Variants in NME7 observed in about 807,000 individuals in gnomAD.
NME7 encodes nucleoside diphosphate kinase 7.
NME7 carries 41 observed loss-of-function variants against 49.1 expected under a neutral mutation model. The observed-to-expected ratio is 0.83, with a 90% CI of 0.65 to 1.08. The LOEUF (loss-of-function observed/expected upper bound fraction) is 1.08, where lower values mean the gene tolerates loss of function less well. NME7 is among the 50% of genes least tolerant of loss of function. The pLI, the probability that NME7 is intolerant of heterozygous loss-of-function variation, is 0.00. For missense variants in NME7, 423 were observed against 463.4 expected, an observed-to-expected ratio of 0.91 and a Z score of 0.80; for synonymous variants, 139 against 150.6, an observed-to-expected ratio of 0.92 and a Z score of 0.56.
chr1:169,260,660 T>G (rs1223134117), intron 7 of NME7, among the ~76,000 whole-genome samples: 1 of 132,574 alleles, frequency 7.5e-6, no homozygotes, highest in African/African-American at 2.5e-5. Flanking sequence ...ATTGTGCAAT[T>G]ACGCAGATGT....
At chr1:169,205,611 G>A (rs1422328728) in intron 10 of NME7, among the ~76,000 whole-genome samples, 3 of 152,098 alleles carry the variant, frequency 2.0e-5, no homozygotes, top group Non-Finnish European at 2.9e-5. Context: ...ATCTCAGGCG[G>A]CCTGGCTCTA....
chr1:169,133,191 C>G (rs1272552835), intron 11 of NME7, among the ~76,000 whole-genome samples: 1 of 152,084 alleles, frequency 6.6e-6, no homozygotes, highest in Admixed American at 6.5e-5. Context: ...AGGGATTGGC[C>G]TAAGTCCTTA....
At chr1:169,143,708 C>T (rs1302160678) in intron 11 of NME7, among the ~76,000 whole-genome samples, 1 of 152,158 alleles carries the variant, frequency 6.6e-6, no homozygotes, top group African/African-American at 2.4e-5. Flanking sequence ...AATGAATTTA[C>T]GGTTTAGTTT....
intron 1 of NME7, among the ~76,000 whole-genome samples, chr1:169,326,417 G>C (rs1442007512): frequency 1.3e-5 from 2 of 152,288 alleles, no homozygotes; most frequent in Admixed American, 1.3e-4. Context: ...GATCCAGAAA[G>C]ACAGGAAGCC....
intron 3 of NME7, among the ~76,000 whole-genome samples, chr1:169,317,955 G>A (rs971109007): frequency 6.6e-6 from 1 of 152,154 alleles, no homozygotes; most frequent in Non-Finnish European, 1.5e-5. Flanking sequence ...AGACCCTCAA[G>A]TAGGGGATAG....
intron 10 of NME7, among the ~76,000 whole-genome samples, chr1:169,212,674 C>A (rs12121395): frequency 1.3e-5 from 2 of 150,144 alleles, no homozygotes; most frequent in African/African-American, 2.5e-5. Context: ...CTGTCATGGC[C>A]CACTGCAGCC....
At chr1:169,170,704 C>G (rs1187890257) in intron 10 of NME7, among the ~76,000 whole-genome samples, 1 of 152,122 alleles carries the variant, frequency 6.6e-6, no homozygotes, top group Non-Finnish European at 1.5e-5. Context: ...CATTTGTGGT[C>G]AGGAGTTCGA....
intron 7 of NME7, among the ~76,000 whole-genome samples, chr1:169,258,403 T>TAC (rs1381228474): frequency 1.3e-4 from 9 of 68,666 alleles, no homozygotes; most frequent in African/African-American, 2.2e-4. Flanking sequence ...TATATATATA[T>TAC]ATACACACAC....
In NME7 at chr1:169,205,602, T is replaced by G. The variant is rs1415325953; in HGVS notation, c.990+25116A>C. On this transcript the variant is annotated intron_variant, in intron 10 of 11. Coordinates refer to ENST00000367811, the MANE Select transcript of NME7 (RefSeq NM_013330.5). ...CAGATTATATTTTACAGATGAAGAATCTCAGGCGGCCTGGCTCTAGAGCCC... is the reference window on the plus strand; with the variant it reads ...CAGATTATATTTTACAGATGAAGAAGCTCAGGCGGCCTGGCTCTAGAGCCC... Among the ~76,000 whole-genome samples the G allele has an allele frequency of 2.0e-5, 3 of 152,148 alleles. No homozygotes were observed. In the East Asian group the frequency reaches 5.8e-4, roughly 29 times the overall value.
intron 1 of NME7, among the ~76,000 whole-genome samples, chr1:169,359,471 T>C (rs972005752): frequency 2.0e-5 from 3 of 151,904 alleles, no homozygotes; most frequent in Non-Finnish European, 4.4e-5. Context: ...TATCTCTGTG[T>C]GTGTGTGTAT....
intron 10 of NME7, among the ~76,000 whole-genome samples, chr1:169,215,236 A>G (rs1196299371): frequency 1.3e-5 from 2 of 151,966 alleles, no homozygotes; most frequent in Non-Finnish European, 2.9e-5. Context: ...TCTGAAGTCA[A>G]CTCACCTCTT....
intron 7 of NME7, among the ~76,000 whole-genome samples, chr1:169,240,898 T>A (rs1477728455): frequency 6.6e-6 from 1 of 152,108 alleles, no homozygotes; most frequent in Admixed American, 6.6e-5. Flanking sequence ...ATTTTATCTT[T>A]GGCAAAGGCT....
Position 169,132,835 on chromosome 1 carries a change from A to AT in NME7, c.1099-19dup. 6.2e-7 allele frequency: 1 copy of AT among 1,612,372 alleles called. No homozygotes were observed. Among genetic ancestry groups the AT allele is most frequent in the South Asian group, 1.1e-5 (1 of 90,742 alleles). ...TATTGAACCTGAAACGGAGAAACAC[A>AT]TAATTTCTTAGTTCAGACAAATTTT... is the stretch of plus-strand genomic sequence containing the variant. On this transcript the variant is annotated intron_variant, in intron 11 of 11. Transcript: ENST00000367811.
chr1:169,276,585 T>C lies in NME7; in HGVS notation c.754+10718A>G, dbSNP rs1649739362. Among the ~76,000 whole-genome samples the C allele has an allele frequency of 2.3e-5, 3 of 132,590 alleles. 1 individual carries two copies. Among genetic ancestry groups the C allele is most frequent in the African/African-American group, 7.6e-5 (3 of 39,260 alleles). The allele number at this position is 132,590 out of a possible 152,430, so 87.0% of individuals were successfully genotyped here. Reference sequence around the variant, plus strand: ...TATTAGATTCTTCTCTCTTTTTTTCTTTATTAGTCTTGCTAGCGGTCTATC... The same window carrying C: ...TATTAGATTCTTCTCTCTTTTTTTCCTTATTAGTCTTGCTAGCGGTCTATC... On this transcript the variant is annotated intron_variant, in intron 7 of 11. Coordinates refer to ENST00000367811, the MANE Select transcript of NME7 (RefSeq NM_013330.5).
At chr1:169,198,210 T>C (rs993154994) in intron 10 of NME7, among the ~76,000 whole-genome samples, 1 of 152,006 alleles carries the variant, frequency 6.6e-6, no homozygotes, top group Non-Finnish European at 1.5e-5. Flanking sequence ...TAACATATAC[T>C]GGTGAGAATA....
rs537274447 is a variant in NME7 at position 169,276,816 on chromosome 1, T to A, written c.754+10487A>T. Among the ~76,000 whole-genome samples the A allele has an allele frequency of 1.5e-5, 2 of 136,802 alleles. 1 individual carries two copies. The highest frequency in any genetic ancestry group is 3.4e-5 in the Non-Finnish European group (2 of 58,926). The allele number at this position is 136,802 out of a possible 152,430, so 89.7% of individuals were successfully genotyped here. A position where few individuals can be genotyped will look rare whatever the true frequency, so the allele number is the denominator to read the frequency against. On this transcript the variant is annotated intron_variant, in intron 7 of 11. Coordinates refer to ENST00000367811, the MANE Select transcript of NME7 (RefSeq NM_013330.5). ...TTTGGATCTTTCCTGCTTTCTCTTG[T>A]GGCCATTTAGTGCTATAAATTTCCC...
chr1:169,304,030 T>C (rs555352671), intron 4 of NME7, among the ~76,000 whole-genome samples: 2 of 152,332 alleles, frequency 1.3e-5, no homozygotes, highest in East Asian at 3.9e-4. Flanking sequence ...TTATGTATCT[T>C]AATATGTTTT....
At chr1:169,184,051 C>T (rs1321247555) in intron 10 of NME7, among the ~76,000 whole-genome samples, 2 of 151,246 alleles carry the variant, frequency 1.3e-5, no homozygotes, top group Non-Finnish European at 2.9e-5. Context: ...TAAAAGGTAA[C>T]TTTAACTTTA....
At chr1:169,283,189 C>A (rs978633305) in intron 7 of NME7, among the ~76,000 whole-genome samples, 3 of 152,178 alleles carry the variant, frequency 2.0e-5, no homozygotes, top group Middle Eastern at 6.8e-3. Flanking sequence ...GTTCCCTTTA[C>A]CATTAATGTA....
Sources: gnomAD v4.1 joint callset for allele counts (sites outside exome capture counted in the v4.1 genomes callset) on GRCh38, gnomAD v4.1.1 for gene constraint, MANE v1.5 for transcripts, NCBI Gene and HGNC (gene_info 2026-07-23, HGNC 2026-07-21) for gene names.